The following CDH20 variants were observed in gnomAD, a reference collection of about 807,000 sequenced individuals.
CDH20 encodes the protein cadherin 20, also known as cadherin-20.
CDH20 carries 29 observed loss-of-function variants against 74.2 expected under a neutral mutation model. The ratio of observed to expected loss-of-function variants is 0.39; its 90% confidence interval spans 0.29 to 0.53. CDH20 has a LOEUF of 0.53. CDH20 is among the 20% of genes least tolerant of loss of function. The probability of loss-of-function intolerance (pLI) is 0.69; values close to 1 mark genes in which losing one functional copy is unlikely to be tolerated. For missense variants in CDH20, 988 were observed against 1,048.3 expected (o/e 0.94, Z 0.79); for synonymous variants, 469 against 405.4 (o/e 1.16, Z -1.88).
intron 1 of CDH20, among the ~76,000 whole-genome samples, chr18:61,409,031 G>A (rs1019637520): frequency 6.6e-6 from 1 of 152,182 alleles, no homozygotes; most frequent in Non-Finnish European, 1.5e-5. Context: ...ATCTGACTCT[G>A]TATTTTTAAA....
intron 1 of CDH20, among the ~76,000 whole-genome samples, chr18:61,337,595 G>A (rs2144082092): frequency 6.6e-6 from 1 of 152,168 alleles, no homozygotes; most frequent in Non-Finnish European, 1.5e-5. Flanking sequence ...TACTAATTTA[G>A]TGACCAAGAA....
At chr18:61,434,603 C>T (rs1908766885) in intron 1 of CDH20, among the ~76,000 whole-genome samples, 1 of 152,066 alleles carries the variant, frequency 6.6e-6, no homozygotes, top group South Asian at 2.1e-4. Context: ...CACTTACCCA[C>T]TTCTCCCTGC....
chr18:61,492,622 T>C (rs527894534), intron 2 of CDH20, among the ~76,000 whole-genome samples: 2 of 152,252 alleles, frequency 1.3e-5, no homozygotes, highest in East Asian at 1.9e-4. Flanking sequence ...CCTTTGACAG[T>C]TCCTACAACC....
chr18:61,362,204 A>C (rs1910716084), intron 1 of CDH20, among the ~76,000 whole-genome samples: 1 of 152,232 alleles, frequency 6.6e-6, no homozygotes, highest in South Asian at 2.1e-4. Flanking sequence ...ATAGGAACAC[A>C]TGATTTTACA....
At chr18:61,392,056 T>C (rs903117400) in intron 1 of CDH20, among the ~76,000 whole-genome samples, 2 of 152,076 alleles carry the variant, frequency 1.3e-5, no homozygotes, top group Admixed American at 1.3e-4. Context: ...ACTTAAAAAT[T>C]GTAATAGCTT....
intron 6 of CDH20, among the ~76,000 whole-genome samples, chr18:61,512,475 G>C (rs1332302304): frequency 6.6e-6 from 1 of 152,142 alleles, no homozygotes; most frequent in Admixed American, 6.5e-5. Context: ...TTTAAGAACA[G>C]TTCTTGCCAA....
Position 61,348,638 on chromosome 18 carries a change from G to A in CDH20, c.-153+14811G>A, listed in dbSNP as rs894832238. Among the ~76,000 whole-genome samples the A allele has an allele frequency of 6.6e-5, 10 of 152,218 alleles. No homozygotes were observed. The East Asian group carries it at 9.7e-4, about 15-fold the overall frequency. Reference sequence around the variant, plus strand: ...AAGTCCACATTCCTGTCAGTCAGCCGATTATCCAATCCACATAGCCGTAAA... The same window carrying A: ...AAGTCCACATTCCTGTCAGTCAGCCAATTATCCAATCCACATAGCCGTAAA... On this transcript the variant is annotated intron_variant, in intron 1 of 11. Transcript: ENST00000262717.
At position 61,554,468 on chromosome 18, in the gene CDH20, C is replaced by T; in HGVS notation, c.2179C>T (p.Leu727=). 6 of 1,613,214 alleles carry T rather than the reference C, an allele frequency of 3.7e-6. 1 individual carries two copies. The highest frequency in any genetic ancestry group is 2.2e-5 in the South Asian group (2 of 91,018). ...GAACAGCACTGTCCACAGCTACGTGCTGGCCAAGCTCTACGAGGCCGACAT... is the reference window on the plus strand; with the variant it reads ...GAACAGCACTGTCCACAGCTACGTGTTGGCCAAGCTCTACGAGGCCGACAT... ...AVNSTVHSYV[L]AKLYEADMDL... is the part of the protein sequence containing the mutation. The change falls in exon 12 of 12, where the codon CTG becomes TTG. Residue 727 remains leucine, a synonymous_variant. Transcript: ENST00000262717.
At chr18:61,420,780 C>T (rs1488187026) in intron 1 of CDH20, among the ~76,000 whole-genome samples, 2 of 152,118 alleles carry the variant, frequency 1.3e-5, no homozygotes, top group South Asian at 2.1e-4. Flanking sequence ...TCTGGCTGGG[C>T]GCGGTGGCTC....
chr18:61,336,693 A>G (rs994414686), intron 1 of CDH20, among the ~76,000 whole-genome samples: 3 of 151,146 alleles, frequency 2.0e-5, no homozygotes, highest in Non-Finnish European at 2.9e-5. Flanking sequence ...TTGGCCAAGC[A>G]TTTTTTTTCA....
At chr18:61,354,120 G>A (rs968828101) in intron 1 of CDH20, among the ~76,000 whole-genome samples, 6 of 152,048 alleles carry the variant, frequency 3.9e-5, no homozygotes, top group Non-Finnish European at 7.4e-5. Flanking sequence ...CATTTCCAGG[G>A]CACAGCAGCC....
intron 1 of CDH20, among the ~76,000 whole-genome samples, chr18:61,488,469 C>CA (rs1910844867): frequency 6.6e-6 from 1 of 152,116 alleles, no homozygotes; most frequent in Non-Finnish European, 1.5e-5. Context: ...TTTTTGCCTG[C>CA]ATGATCCCAT....
chr18:61,404,576 G>C (rs1433485436), intron 1 of CDH20, among the ~76,000 whole-genome samples: 1 of 152,024 alleles, frequency 6.6e-6, no homozygotes, highest in Non-Finnish European at 1.5e-5. Flanking sequence ...ATGAAATCTT[G>C]GTTCTGTCGC....
intron 7 of CDH20, 90 bp from the exon 8 acceptor site, chr18:61,536,403 T>C (rs1912817975): frequency 3.0e-6 from 3 of 1,004,716 alleles, no homozygotes; most frequent in Non-Finnish European, 4.5e-6. Context: ...GGAACCATGT[T>C]TCATATGGTA....
chr18:61,532,315 G>A (rs1348131310), intron 7 of CDH20, among the ~76,000 whole-genome samples: 5 of 152,140 alleles, frequency 3.3e-5, no homozygotes, highest in Admixed American at 6.5e-5. Flanking sequence ...CAGGCAGAGA[G>A]AAACATTAAT....
At position 61,554,856 on chromosome 18, in the gene CDH20, T is replaced by C. The variant is rs1568189500; in HGVS notation, c.*161T>C. On this transcript the variant is annotated 3_prime_UTR_variant, in exon 12 of 12. Transcript: ENST00000262717. Reference sequence around the variant, plus strand: ...TCTGGATCAGCTTTACTTGGGTAGATTAAGTTAAATAAGCAAAAGGAAACC... The same window carrying C: ...TCTGGATCAGCTTTACTTGGGTAGACTAAGTTAAATAAGCAAAAGGAAACC... 7.2e-7 allele frequency: 1 copy of C among 1,388,736 alleles called. No homozygotes were observed. The highest frequency in any genetic ancestry group is 3.0e-5 in the Admixed American group (1 of 33,768). 86.0% of individuals were successfully genotyped at this position (1,388,736 alleles called of 1,614,324 possible).
intron 7 of CDH20, among the ~76,000 whole-genome samples, chr18:61,532,493 C>T (rs753175478): frequency 1.3e-4 from 19 of 150,580 alleles, no homozygotes; most frequent in East Asian, 5.8e-4. Flanking sequence ...ATTTTACCAA[C>T]GATATATATG....
intron 11 of CDH20, among the ~76,000 whole-genome samples, chr18:61,550,509 G>A (rs1043508211): frequency 6.6e-6 from 1 of 152,206 alleles, no homozygotes; most frequent in African/African-American, 2.4e-5. Flanking sequence ...ACAAGTCCTG[G>A]CCTTCCTGAG....
chr18:61,462,586 A>G (rs1025564480), intron 1 of CDH20, among the ~76,000 whole-genome samples: 2 of 152,178 alleles, frequency 1.3e-5, no homozygotes, highest in African/African-American at 4.8e-5. Context: ...CTTTACCAAA[A>G]TGACATATTA....
Sources: gnomAD v4.1 joint callset for allele counts (sites outside exome capture counted in the v4.1 genomes callset) on GRCh38, gnomAD v4.1.1 for gene constraint, MANE v1.5 for transcripts, NCBI Gene and HGNC (gene_info 2026-07-23, HGNC 2026-07-21) for gene names.